Variants in CTDSPL observed in about 807,000 individuals in gnomAD.
The protein encoded by CTDSPL is CTD small phosphatase like, also known as CTD small phosphatase-like protein.
A neutral mutation model predicts 30.5 loss-of-function variants in CTDSPL; 8 were observed. The observed-to-expected ratio is 0.26, with a 90% CI of 0.15 to 0.47. The LOEUF (loss-of-function observed/expected upper bound fraction) is 0.47, where lower values mean the gene tolerates loss of function less well. Ranked by LOEUF, CTDSPL falls within the 20% of genes least tolerant of loss-of-function variation. The pLI is 0.99. For missense variants in CTDSPL, 248 were observed against 366.1 expected (o/e 0.68, Z 2.63); for synonymous variants, 110 against 137.9 (o/e 0.80, Z 1.42).
chr3:37,901,346 C>T (rs1171138152), intron 1 of CTDSPL, among the ~76,000 whole-genome samples: 1 of 151,748 alleles, frequency 6.6e-6, no homozygotes, highest in Non-Finnish European at 1.5e-5. Context: ...GCTGTTCTTC[C>T]CAGGGGGACA....
intron 1 of CTDSPL, among the ~76,000 whole-genome samples, chr3:37,866,310 C>G: frequency 6.6e-6 from 1 of 151,762 alleles, no homozygotes; most frequent in East Asian, 1.9e-4. Flanking sequence ...AGTATGGTTC[C>G]TACCTTTGTA....
intron 1 of CTDSPL, among the ~76,000 whole-genome samples, chr3:37,914,626 T>G (rs573614100): frequency 1.4e-4 from 21 of 152,346 alleles, no homozygotes; most frequent in African/African-American, 5.0e-4. Flanking sequence ...TATGATGACT[T>G]GCATTCCTGC....
In CTDSPL at chr3:37,975,988, C is replaced by A; in HGVS notation, c.705+94C>A. The A allele has an allele frequency of 7.6e-7, 1 of 1,311,808 alleles. No homozygotes were observed. The highest frequency in any genetic ancestry group is 1.0e-6 in the Non-Finnish European group (1 of 953,642). 81.3% of individuals were successfully genotyped at this position (1,311,808 alleles called of 1,614,324 possible). ...CTTTTGAGCACCTACACAAGAAGGT[C>A]TCTGGGCCTTTTCCTAATGAAATCC... On this transcript the variant is annotated intron_variant, in intron 7 of 7. Transcript: ENST00000273179. The surrounding 1 kb of genome is among the most constrained non-coding windows in gnomAD (Gnocchi z 4.9).
chr3:37,945,364 G>A (rs1699023628), intron 1 of CTDSPL, among the ~76,000 whole-genome samples: 1 of 134,174 alleles, frequency 7.5e-6, no homozygotes, highest in Admixed American at 7.5e-5. Flanking sequence ...AGGCCCACTT[G>A]GGTTTGAATC....
intron 1 of CTDSPL, among the ~76,000 whole-genome samples, chr3:37,918,183 G>C (rs187236514): frequency 6.6e-6 from 1 of 152,256 alleles, no homozygotes; most frequent in East Asian, 1.9e-4. Context: ...CTAAGGTACA[G>C]TCTTCTCTCT....
chr3:37,878,742 C>T (rs867521955), intron 1 of CTDSPL, among the ~76,000 whole-genome samples: 1 of 152,158 alleles, frequency 6.6e-6, no homozygotes, highest in Non-Finnish European at 1.5e-5. Context: ...TAGTCACTTA[C>T]CCAAACAGAT....
intron 1 of CTDSPL, among the ~76,000 whole-genome samples, chr3:37,915,946 G>A (rs1217805402): frequency 6.6e-6 from 1 of 152,140 alleles, no homozygotes; most frequent in East Asian, 1.9e-4. Flanking sequence ...GGCATCTGGG[G>A]CACTATGAAT....
intron 1 of CTDSPL, among the ~76,000 whole-genome samples, chr3:37,880,220 G>T (rs1374178651): frequency 6.6e-6 from 1 of 151,716 alleles, no homozygotes; most frequent in East Asian, 1.9e-4. Flanking sequence ...TGAGGAAACA[G>T]TCTCAAAGAG....
intron 3 of CTDSPL, among the ~76,000 whole-genome samples, chr3:37,960,523 TATATATATATATACAC>T (rs1699229908): frequency 3.4e-5 from 2 of 59,668 alleles, no homozygotes; most frequent in African/African-American, 1.4e-4. Flanking sequence ...TATATATATA[TATATATATATATACAC>T]ACACACACAC....
intron 1 of CTDSPL, among the ~76,000 whole-genome samples, chr3:37,921,362 G>T (rs1378386175): frequency 2.0e-5 from 3 of 152,190 alleles, no homozygotes; most frequent in African/African-American, 7.2e-5. Context: ...CCACAGTCAG[G>T]ACAAGGAGCC....
chr3:37,898,531 A>G (rs77349178), intron 1 of CTDSPL, among the ~76,000 whole-genome samples: 1,783 of 152,242 alleles, frequency 0.012, 36 homozygotes, highest in African/African-American at 0.04. Context: ...AGTGCCATCT[A>G]TTGAGTGCTT....
intron 1 of CTDSPL, among the ~76,000 whole-genome samples, chr3:37,920,797 A>C (rs917167579): frequency 2.6e-5 from 4 of 152,104 alleles, no homozygotes; most frequent in African/African-American, 9.7e-5. Context: ...GATGCATTTC[A>C]CTTGCTGTAT....
intron 1 of CTDSPL, among the ~76,000 whole-genome samples, chr3:37,929,615 C>CT (rs1351643670): frequency 1.3e-5 from 2 of 152,152 alleles, no homozygotes; most frequent in Non-Finnish European, 2.9e-5. Flanking sequence ...GCAGATCTGT[C>CT]TTTTGCATGT....
intron 1 of CTDSPL, among the ~76,000 whole-genome samples, chr3:37,908,269 T>C (rs1698540617): frequency 1.3e-5 from 2 of 152,186 alleles, no homozygotes; most frequent in Admixed American, 1.3e-4. Flanking sequence ...GTATTCCAAA[T>C]GTGTTTCTGT....
At position 37,894,269 on chromosome 3, in the gene CTDSPL, T is replaced by C. The variant is rs1698366460; in HGVS notation, c.79+31991T>C. Among the ~76,000 whole-genome samples the C allele has an allele frequency of 2.6e-5, 4 of 152,074 alleles. No individual in the cohort carries two copies. In the South Asian group the frequency reaches 8.3e-4, roughly 32 times the overall value. ...GCTAACTTTAAAAAAAGTTATTTTT[T>C]TTTTTTGTAGAGACGAGAGTCTCGC... On this transcript the variant is annotated intron_variant, in intron 1 of 7. Transcript: ENST00000273179.
rs773334934 is a variant in CTDSPL at position 37,947,161 on chromosome 3, A to G, written c.184A>G (p.Ser62Gly). 2.2e-5 allele frequency: 35 copies of G among 1,612,836 alleles called. No homozygotes were observed. In the South Asian group the frequency reaches 3.7e-4, roughly 17 times the overall value. Residue 62 changes from serine (S) to glycine (G), a missense_variant, in exon 2 of 8, where the codon AGC (serine) becomes GGC (glycine). Physicochemically the swap from Ser to Gly is moderately conservative, Grantham distance 56. Coordinates refer to ENST00000273179, the MANE Select transcript of CTDSPL (RefSeq NM_001008392.2). ...CAATGTGGAGGCCCCTCCACCCAGC[A>G]GCCCCAGTGTGCTTCCGCCACTGGT... ...DYNVEAPPPS[S>G]PSVLPPLVEE...
intron 1 of CTDSPL, among the ~76,000 whole-genome samples, chr3:37,906,069 G>A (rs754594026): frequency 7.2e-5 from 11 of 152,240 alleles, no homozygotes; most frequent in Middle Eastern, 6.8e-3. Context: ...TTCTTGTGCC[G>A]GATGTTTTCT....
At chr3:37,969,647 G>A (rs1699343033) in intron 5 of CTDSPL, among the ~76,000 whole-genome samples, 1 of 152,180 alleles carries the variant, frequency 6.6e-6, no homozygotes, top group African/African-American at 2.4e-5. Flanking sequence ...TGCTGGCAAC[G>A]AGGAGTCTTG....
chr3:37,961,699 C>T (rs1559645525), intron 3 of CTDSPL, among the ~76,000 whole-genome samples: 4 of 152,170 alleles, frequency 2.6e-5, no homozygotes, highest in Admixed American at 2.6e-4. Flanking sequence ...CCTCTTGCTC[C>T]CCTCCTGCGT....
Sources: gnomAD v4.1 joint callset for allele counts (sites outside exome capture counted in the v4.1 genomes callset) on GRCh38, gnomAD v4.1.1 for gene constraint, Gnocchi (gnomAD v3.1) non-coding constraint, MANE v1.5 for transcripts, NCBI Gene and HGNC (gene_info 2026-07-23, HGNC 2026-07-21) for gene names.